Variants in PLEKHH2 observed in about 807,000 individuals in gnomAD.
PLEKHH2 encodes the protein pleckstrin homology, MyTH4 and FERM domain containing H2.
In PLEKHH2, 129 loss-of-function variants were observed where a neutral mutation model predicts 187.9. That is an observed-to-expected ratio of 0.69 (90% CI 0.59 to 0.79). The LOEUF is 0.79. PLEKHH2 is among the 30% of genes least tolerant of loss of function. The pLI, the probability that PLEKHH2 is intolerant of heterozygous loss-of-function variation, is 0.00. For missense variants in PLEKHH2, 2,076 were observed against 1,751.2 expected (o/e 1.19, Z -3.31); for synonymous variants, 686 against 605.6 (o/e 1.13, Z -1.95).
At chr2:43,645,959 T>G (rs1435326544) in intron 2 of PLEKHH2, among the ~76,000 whole-genome samples, 2 of 152,126 alleles carry the variant, frequency 1.3e-5, no homozygotes, top group African/African-American at 4.8e-5. Flanking sequence ...TAGCCAAGAA[T>G]CTCTTAGTAC....
chr2:43,705,251 C>CATTT (rs754635599), intron 9 of PLEKHH2, among the ~76,000 whole-genome samples: 1 of 95,868 alleles, frequency 1.0e-5, no homozygotes, highest in Non-Finnish European at 1.9e-5. Context: ...AAATTTTATC[C>CATTT]TTTTTTTTTT....
In PLEKHH2 at chr2:43,757,176, C is replaced by G. The variant is rs751871951; in HGVS notation, c.3853C>G (p.Gln1285Glu). 14 of 1,602,394 alleles carry G rather than the reference C, an allele frequency of 8.7e-6. No homozygotes were observed. The highest frequency in any genetic ancestry group is 1.2e-5 in the Non-Finnish European group (14 of 1,175,178). ...AACTCCAGCAGGGCATGTTACCAAT[C>G]AGTGCAAAGTGAATCAAACTCTAAA... ...FSTPAGHVTN[Q>E]CKVNQTLKQV... The change falls in exon 26 of 30, where the codon CAG becomes GAG. Residue 1285 changes from glutamine to glutamate, a missense_variant. Coordinates refer to ENST00000282406, the MANE Select transcript of PLEKHH2 (RefSeq NM_172069.4).
At chr2:43,657,150 T>A (rs981243375) in intron 2 of PLEKHH2, among the ~76,000 whole-genome samples, 2 of 152,246 alleles carry the variant, frequency 1.3e-5, no homozygotes, top group African/African-American at 4.8e-5. Context: ...ATCACTCATG[T>A]GACTGCATTC....
chr2:43,656,521 A>G (rs948037807), intron 2 of PLEKHH2, among the ~76,000 whole-genome samples: 2 of 152,162 alleles, frequency 1.3e-5, no homozygotes, highest in Admixed American at 1.3e-4. Flanking sequence ...TGATGACCAG[A>G]TAGATGATCA....
chr2:43,680,720 C>G, intron 3 of PLEKHH2: 1 of 411,760 alleles, frequency 2.4e-6, no homozygotes, highest in Middle Eastern at 6.7e-4. Flanking sequence ...GGAAATTTAT[C>G]ACTTGTAAAT....
rs182274362 is a variant in PLEKHH2, at chr2:43,764,393, T to G, written c.4296+28T>G. The stretch of plus-strand genomic sequence containing the variant: ...GAGTAGAAGCCTTTCTGCCAACTTT[T>G]TTGTCCTAGTTGTTTTCACTTAGTC... On this transcript the variant is annotated intron_variant, in intron 29 of 29. Transcript: ENST00000282406. 2.2e-4 allele frequency: 353 copies of G among 1,606,322 alleles called. No individual in the cohort carries two copies. In the African/African-American group the frequency reaches 4.0e-3, roughly 18 times the overall value.
At chr2:43,764,827 T>C (rs775589928) in intron 29 of PLEKHH2, among the ~76,000 whole-genome samples, 51 of 152,216 alleles carry the variant, frequency 3.4e-4, no homozygotes, top group African/African-American at 1.2e-3. Flanking sequence ...TAACAAACTG[T>C]GTAGTTTTAA....
At chr2:43,710,723 A>G (rs1052772581) in intron 14 of PLEKHH2, 148 bp downstream of exon 14, 4 of 1,417,622 alleles carry the variant, frequency 2.8e-6, no homozygotes, top group Non-Finnish European at 3.7e-6. Flanking sequence ...AGTATGTGAA[A>G]CTCCACGAAT....
At chr2:43,762,431 TC>T (rs1558636910) in intron 28 of PLEKHH2, 41 bp downstream of exon 28, 1 of 1,425,820 alleles carries the variant, frequency 7.0e-7, no homozygotes, top group South Asian at 1.1e-5. Flanking sequence ...GTCAACTGTT[TC>T]CATTGCTCAG....
intron 19 of PLEKHH2, among the ~76,000 whole-genome samples, chr2:43,735,748 T>C (rs967710944): frequency 2.6e-5 from 4 of 152,180 alleles, no homozygotes; most frequent in African/African-American, 9.6e-5. Context: ...AAATATTAAA[T>C]TATGACTGAA....
intron 2 of PLEKHH2, among the ~76,000 whole-genome samples, chr2:43,669,073 G>T (rs951474578): frequency 6.6e-6 from 1 of 152,152 alleles, no homozygotes; most frequent in Non-Finnish European, 1.5e-5. Context: ...ACTTACAAGG[G>T]CTTCTCAGTC....
At chr2:43,666,704 A>T (rs1031561062) in intron 2 of PLEKHH2, among the ~76,000 whole-genome samples, 9 of 152,344 alleles carry the variant, frequency 5.9e-5, no homozygotes, top group African/African-American at 2.2e-4. Context: ...CTAATGACTA[A>T]TGATGTTGAC....
chr2:43,765,301 C>A, intron 29 of PLEKHH2, 112 bp from the exon 30 acceptor site: 1 of 960,386 alleles, frequency 1.0e-6, no homozygotes, highest in Non-Finnish European at 1.5e-6. Context: ...GAAGGGAATT[C>A]TGGTAGCCTG....
Position 43,692,531 on chromosome 2 carries a change from T to C in PLEKHH2, c.204T>C (p.Asp68=), listed in dbSNP as rs914677098. The change falls in exon 4 of 30, where the codon GAT becomes GAC. Residue 68 remains aspartate, a synonymous_variant. Coordinates refer to ENST00000282406, the MANE Select transcript of PLEKHH2 (RefSeq NM_172069.4). ...GAATTTAGGTACAAGTTATGGAAGATAAATTAAAAGCAGCTAATATTCAAA... is the reference window on the plus strand; with the variant it reads ...GAATTTAGGTACAAGTTATGGAAGACAAATTAAAAGCAGCTAATATTCAAA... ...KAFQQVQVME[D]KLKAANIQTS... The C allele has an allele frequency of 1.1e-5, 17 of 1,577,252 alleles. No homozygotes were observed. Among genetic ancestry groups the C allele is most frequent in the Non-Finnish European group, 1.4e-5 (16 of 1,151,462 alleles).
In PLEKHH2 at chr2:43,726,324, G is replaced by A. The variant is rs1305565182; in HGVS notation, c.2594G>A (p.Arg865Lys). Residue 865 changes from arginine to lysine, a missense_variant, in exon 17 of 30, where the codon AGA becomes AAA. Arg to Lys is a conservative substitution (Grantham distance 26, BLOSUM62 2). Coordinates refer to ENST00000282406, the MANE Select transcript of PLEKHH2 (RefSeq NM_172069.4). The part of the protein sequence containing the change: ...LWEAKVEEVD[R>K]SCDSDEDYEA... ...GAGGCTAAAGTGGAAGAGGTTGACA[G>A]ATCTTGTGATTCAGATGAAGATTAT... 1 of 1,612,312 alleles carries A rather than the reference G, an allele frequency of 6.2e-7. No individual in the cohort carries two copies. The highest frequency in any genetic ancestry group is 1.3e-5 in the African/African-American group (1 of 75,020).
intron 2 of PLEKHH2, among the ~76,000 whole-genome samples, chr2:43,655,339 A>C (rs1197550458): frequency 6.6e-6 from 1 of 152,178 alleles, no homozygotes; most frequent in Non-Finnish European, 1.5e-5. Context: ...GATTTGGTGA[A>C]GGAAAGGTTA....
chr2:43,746,900 G>A (rs1406015817), intron 24 of PLEKHH2, among the ~76,000 whole-genome samples: 12 of 151,670 alleles, frequency 7.9e-5, no homozygotes, highest in Non-Finnish European at 1.6e-4. Context: ...AACCCGGGAG[G>A]CGGAGCTTGC....
At chr2:43,696,814 C>T (rs778707643) in intron 6 of PLEKHH2, among the ~76,000 whole-genome samples, 35 of 152,250 alleles carry the variant, frequency 2.3e-4, no homozygotes, top group Non-Finnish European at 3.2e-4. Context: ...ATTTTACCAA[C>T]GCTGAACTGG....
At chr2:43,705,103 A>T (rs1253263988) in intron 9 of PLEKHH2, among the ~76,000 whole-genome samples, 1 of 152,134 alleles carries the variant, frequency 6.6e-6, no homozygotes, top group Non-Finnish European at 1.5e-5. Context: ...CCAAACAACA[A>T]GAACTGTCTG....
Sources: allele counts gnomAD v4.1 joint callset (sites outside exome capture counted in the v4.1 genomes callset), GRCh38; gene constraint gnomAD v4.1.1; transcripts MANE v1.5; gene names NCBI Gene and HGNC (gene_info 2026-07-23, HGNC 2026-07-21).